LPP: variants seen among roughly 807,000 people sequenced by gnomAD.
The protein encoded by LPP is LIM domain containing preferred translocation partner in lipoma.
Under a neutral mutation model 60.4 loss-of-function variants are expected in LPP, and 38 were observed. That is an observed-to-expected ratio of 0.63 (90% CI 0.49 to 0.83). LPP has a LOEUF of 0.83. Among genes scored for constraint, LPP ranks in the 40% least tolerant of loss-of-function variants. The pLI is 0.00. For missense variants in LPP, 902 were observed against 783.6 expected (o/e 1.15, Z -1.80); for synonymous variants, 328 against 290.8 (o/e 1.13, Z -1.30).
chr3:188,444,134 A>G (rs139273568), intron 4 of LPP, among the ~76,000 whole-genome samples: 11 of 152,254 alleles, frequency 7.2e-5, no homozygotes, highest in African/African-American at 2.6e-4. Context: ...GATATTTTTC[A>G]CTTCTTGGGA....
chr3:188,782,743 A>AG (rs1056464682), intron 9 of LPP, among the ~76,000 whole-genome samples: 1 of 151,506 alleles, frequency 6.6e-6, no homozygotes, highest in African/African-American at 2.4e-5. Context: ...TGCTGGGAAA[A>AG]AAAAAAACAA....
chr3:188,438,189 A>G (rs1440712163), intron 4 of LPP, among the ~76,000 whole-genome samples: 3 of 152,142 alleles, frequency 2.0e-5, no homozygotes, highest in Non-Finnish European at 4.4e-5. Flanking sequence ...GACCAAACAG[A>G]CAGGTTGGTT....
intron 9 of LPP, among the ~76,000 whole-genome samples, chr3:188,802,082 A>C (rs1379664935): frequency 6.6e-6 from 1 of 152,180 alleles, no homozygotes; most frequent in African/African-American, 2.4e-5. Flanking sequence ...AAAGAAAAAG[A>C]AAAAGGATGT....
At chr3:188,588,084 ACT>A (rs1415548229) in intron 6 of LPP, among the ~76,000 whole-genome samples, 2 of 152,224 alleles carry the variant, frequency 1.3e-5, no homozygotes, top group Admixed American at 1.3e-4. Context: ...ATGCAGACAA[ACT>A]CTGATATTTA....
intron 5 of LPP, among the ~76,000 whole-genome samples, chr3:188,508,384 G>A (rs2149980359): frequency 6.6e-6 from 1 of 152,332 alleles, no homozygotes; most frequent in Non-Finnish European, 1.5e-5. Context: ...ATTGCCCTTT[G>A]TTAATGAAAG....
chr3:188,757,880 GT>G (rs1288759764), intron 8 of LPP, among the ~76,000 whole-genome samples: 1 of 51,204 alleles, frequency 2.0e-5, no homozygotes, highest in Non-Finnish European at 3.9e-5. Context: ...TTGTGGTTTT[GT>G]TTTTTTGGTT....
chr3:188,642,913 G>A (rs140558038), intron 7 of LPP, among the ~76,000 whole-genome samples: 1 of 147,970 alleles, frequency 6.8e-6, no homozygotes, highest in Admixed American at 6.9e-5. Flanking sequence ...TCTAGCCTGG[G>A]CAACAAGAGC....
chr3:188,699,037 C>T (rs1375405871), intron 7 of LPP, among the ~76,000 whole-genome samples: 1 of 152,264 alleles, frequency 6.6e-6, no homozygotes, highest in Non-Finnish European at 1.5e-5. Flanking sequence ...TCTAAGTTGT[C>T]CCTCTTGATA....
intron 9 of LPP, among the ~76,000 whole-genome samples, chr3:188,861,189 A>C (rs1158787635): frequency 6.6e-6 from 1 of 152,178 alleles, no homozygotes; most frequent in African/African-American, 2.4e-5. Context: ...AAGTAAAAGA[A>C]GGTGAAAATT....
intron 2 of LPP, among the ~76,000 whole-genome samples, chr3:188,250,826 TTC>T (rs1266903851): frequency 7.3e-6 from 1 of 137,366 alleles, no homozygotes; most frequent in Non-Finnish European, 1.6e-5. Context: ...TTCTTTCTTT[TTC>T]TTTCTTTCTT....
At chr3:188,641,630 T>A (rs1850149403) in intron 7 of LPP, among the ~76,000 whole-genome samples, 1 of 152,216 alleles carries the variant, frequency 6.6e-6, no homozygotes, top group African/African-American at 2.4e-5. Flanking sequence ...TCATTATGTG[T>A]TTTGCAAGGC....
chr3:188,781,487 G>C (rs1168548901), intron 9 of LPP, among the ~76,000 whole-genome samples: 1 of 152,078 alleles, frequency 6.6e-6, no homozygotes, highest in Admixed American at 6.5e-5. Flanking sequence ...CACACGGCTG[G>C]GGAGGCGTCA....
chr3:188,854,579 G>T (rs1763390800), intron 9 of LPP, among the ~76,000 whole-genome samples: 1 of 152,200 alleles, frequency 6.6e-6, no homozygotes, highest in Non-Finnish European at 1.5e-5. Context: ...CCAAATGATT[G>T]CCAAATCTGT....
chr3:188,522,318 C>T (rs900504554), intron 5 of LPP, among the ~76,000 whole-genome samples: 4 of 152,160 alleles, frequency 2.6e-5, no homozygotes, highest in Admixed American at 2.0e-4. Flanking sequence ...CTTGATGATA[C>T]ACACATAGTT....
intron 5 of LPP, among the ~76,000 whole-genome samples, chr3:188,502,525 C>G (rs1033947966): frequency 6.6e-6 from 1 of 152,122 alleles, no homozygotes; most frequent in Non-Finnish European, 1.5e-5. Context: ...TTGTAGACAA[C>G]ATATATTTGG....
chr3:188,804,339 A>G (rs1748424889), intron 9 of LPP, among the ~76,000 whole-genome samples: 1 of 140,288 alleles, frequency 7.1e-6, no homozygotes, highest in Non-Finnish European at 1.5e-5. Flanking sequence ...TTGCAGCAAC[A>G]TGGATAGAAC....
intron 9 of LPP, among the ~76,000 whole-genome samples, chr3:188,760,950 T>C (rs1732116480): frequency 1.3e-5 from 2 of 152,184 alleles, no homozygotes; most frequent in Admixed American, 1.3e-4. Flanking sequence ...AAATTCTCAG[T>C]CATGTTACCT....
chr3:188,542,132 G>A (rs374266772), intron 6 of LPP, among the ~76,000 whole-genome samples: 23 of 152,118 alleles, frequency 1.5e-4, no homozygotes, highest in African/African-American at 5.3e-4. Flanking sequence ...CTAGAATTCC[G>A]AATTCAGTTC....
At chr3:188,203,233 A>T (rs1409875236) in intron 1 of LPP, among the ~76,000 whole-genome samples, 1 of 130,056 alleles carries the variant, frequency 7.7e-6, no homozygotes, top group African/African-American at 2.9e-5. Context: ...TTGTAATACA[A>T]TATATTTTAT....
Sources: allele counts gnomAD v4.1 joint callset (sites outside exome capture counted in the v4.1 genomes callset), GRCh38; gene constraint gnomAD v4.1.1; transcripts MANE v1.5; gene names NCBI Gene and HGNC (gene_info 2026-07-23, HGNC 2026-07-21).